The following PAPLN variants were observed in gnomAD, a reference collection of about 807,000 sequenced individuals.
The protein encoded by PAPLN is papilin, proteoglycan like sulfated glycoprotein.
In PAPLN, 146 loss-of-function variants were observed where a neutral mutation model predicts 159.0. That is an observed-to-expected ratio of 0.92 (90% CI 0.80 to 1.05). PAPLN has a LOEUF of 1.05. Among genes scored for constraint, PAPLN ranks in the 50% least tolerant of loss-of-function variants. PAPLN has a pLI of 0.00. For synonymous variants in PAPLN, 734 were observed against 702.9 expected (o/e 1.04, Z -0.70); for missense variants, 1,720 against 1,743.9 (o/e 0.99, Z 0.24).
At chr14:73,258,274 G>T (rs1886152733) in intron 14 of PAPLN, among the ~76,000 whole-genome samples, 1 of 152,094 alleles carries the variant, frequency 6.6e-6, no homozygotes, top group Non-Finnish European at 1.5e-5. Context: ...TTTCCCTGAT[G>T]ACTAATGATG....
At chr14:73,251,056 G>GTTGCCTGCCCCCTTCC (rs1421890549) in intron 7 of PAPLN, 26 bp downstream of exon 7, 2 of 1,598,374 alleles carry the variant, frequency 1.3e-6, no homozygotes, top group African/African-American at 2.7e-5. Flanking sequence ...ACAAGGGGCA[G>GTTGCCTGCCCCCTTCC]TTGCCTGCCC....
At chr14:73,264,865 A>G in intron 22 of PAPLN, 139 bp downstream of exon 22, 1 of 1,368,580 alleles carries the variant, frequency 7.3e-7, no homozygotes. Flanking sequence ...CAGGCCTAGA[A>G]AAACAGGGCT....
Position 73,264,639 on chromosome 14 carries a change from CCAGGGACCCAGCT to C in PAPLN, c.3043_3055del (p.Asp1015ThrfsTer45). 6.2e-7 allele frequency: 1 copy of C among 1,604,944 alleles called. No homozygotes were observed. Among genetic ancestry groups the C allele is most frequent in the South Asian group, 1.1e-5 (1 of 89,794 alleles). On this transcript the variant is annotated frameshift_variant, in exon 22 of 27. Transcript: ENST00000644200. LOFTEE classifies it high-confidence loss of function. ...GCTGAGCTGAGCCGCTTCCCTCAGC[CCAGGGACCCAGCT>C]CAGGACTTTGGCCAAGCGGGGGCTG...
chr14:73,272,804 A>T lies in PAPLN; in HGVS notation c.*140A>T. On this transcript the variant is annotated 3_prime_UTR_variant, in exon 27 of 27. Coordinates refer to ENST00000644200, the MANE Select transcript of PAPLN (RefSeq NM_001365906.3). ...CATTAGCTCTTTCAAAAACCCACCC[A>T]GTGTTTAGCCTCAACGGCAGCCAGT... is the stretch of plus-strand genomic sequence containing the variant. 1 of 930,466 alleles carries T rather than the reference A, an allele frequency of 1.1e-6. No individual in the cohort carries two copies. The highest frequency in any genetic ancestry group is 1.5e-6 in the Non-Finnish European group (1 of 686,736). The allele number at this position is 930,466 out of a possible 1,614,324, so 57.6% of individuals were successfully genotyped here.
chr14:73,252,042 G>C lies in PAPLN; in HGVS notation c.868G>C (p.Gly290Arg). The change falls in exon 10 of 27, where the codon GGT becomes CGT. Residue 290 changes from glycine to arginine, a missense_variant. Transcript: ENST00000644200. Reference protein sequence around the residue: ...IELISQEPNPGVHYEYHLPLR... With the variant: ...IELISQEPNPRVHYEYHLPLR... The stretch of plus-strand genomic sequence containing the variant: ...GCTCATCAGCCAGGAGCCCAACCCC[G>C]GTGTGCACTATGAGTACCACCTGCC... 1.9e-6 allele frequency: 3 copies of C among 1,612,100 alleles called. No individual in the cohort carries two copies. The highest frequency in any genetic ancestry group is 2.5e-6 in the Non-Finnish European group (3 of 1,179,356).
At chr14:73,268,863 C>A in intron 26 of PAPLN, 140 bp downstream of exon 26, 1 of 1,081,476 alleles carries the variant, frequency 9.2e-7, no homozygotes, top group Non-Finnish European at 1.3e-6. Context: ...TGACTTGGGG[C>A]AAGGGGCTTA....
chr14:73,261,553 G>A lies in PAPLN; in HGVS notation c.2245+259G>A, dbSNP rs117280258. On this transcript the variant is annotated intron_variant, in intron 18 of 26. Coordinates refer to ENST00000644200, the MANE Select transcript of PAPLN (RefSeq NM_001365906.3). ...AGGTGGGGATCCCAAGGGCCTGGGA[G>A]GCAGTCTCGTGCTTGGGAGTCAGCC... 4.0e-3 allele frequency among the ~76,000 whole-genome samples: 615 copies of A among 152,350 alleles called. 11 individuals are homozygous for A. The highest frequency in any genetic ancestry group is 0.025 in the East Asian group (132 of 5,186).
Position 73,259,319 on chromosome 14 carries a change from G to C in PAPLN, c.1759G>C (p.Asp587His), listed in dbSNP as rs1447088027. 2.5e-6 allele frequency: 4 copies of C among 1,601,784 alleles called. No individual in the cohort carries two copies. The highest frequency in any genetic ancestry group is 3.4e-6 in the Non-Finnish European group (4 of 1,172,540). The change falls in exon 16 of 27, where the codon GAC becomes CAC. Residue 587 changes from aspartate to histidine, a missense_variant. Physicochemically the swap from Asp to His is moderately conservative, Grantham distance 81. Coordinates refer to ENST00000644200, the MANE Select transcript of PAPLN (RefSeq NM_001365906.3). ...AAQEHPSARGDHRGERGDPRG... is the reference protein window; with the variant it reads ...AAQEHPSARGHHRGERGDPRG... ...CCAGGAACACCCCTCAGCCAGGGGT[G>C]ACCACAGGGGAGAACGAGGTGACCC...
At chr14:73,260,883 A>G in intron 17 of PAPLN, 54 bp downstream of exon 17, 3 of 1,491,918 alleles carry the variant, frequency 2.0e-6, no homozygotes, top group Middle Eastern at 3.6e-4. Context: ...GAGCCTGCTC[A>G]GTGTCACTGT....
intron 5 of PAPLN, among the ~76,000 whole-genome samples, chr14:73,248,293 G>A (rs1884846422): frequency 6.6e-6 from 1 of 151,768 alleles, no homozygotes; most frequent in Admixed American, 6.6e-5. Context: ...TTGTGGCTGT[G>A]GGCGTGACCC....
Position 73,263,789 on chromosome 14 carries a change from G to A in PAPLN, c.2861+7G>A, listed in dbSNP as rs1489358170. 3.8e-6 allele frequency: 6 copies of A among 1,598,922 alleles called. No homozygotes were observed. In the Admixed American group the frequency reaches 6.7e-5, roughly 18 times the overall value. On this transcript the variant is annotated splice_region_variant and intron_variant, in intron 20 of 26. Coordinates refer to ENST00000644200, the MANE Select transcript of PAPLN (RefSeq NM_001365906.3). ...AGCCCATCTCCTCTGACAGGTGGGT[G>A]AGAGTCCCCCCACCTCCTCTGACAG...
chr14:73,272,314 G>C (rs1410563522), intron 26 of PAPLN, 181 bp from the exon 27 acceptor site: 1 of 493,562 alleles, frequency 2.0e-6, no homozygotes, highest in African/African-American at 1.9e-5. Context: ...GAAACAGGTA[G>C]AAATCATCAT....
In PAPLN at chr14:73,251,483, C is replaced by T. The variant is rs1885245671; in HGVS notation, c.590-3C>T. 6.2e-6 allele frequency: 10 copies of T among 1,604,984 alleles called. No individual in the cohort carries two copies. The highest frequency in any genetic ancestry group is 8.5e-6 in the Non-Finnish European group (10 of 1,179,780). ...CACCCAGCACCTGCGTCTCTGCCCC[C>T]AGGCTACAACCAGATCCTCATAGTT... On this transcript the variant is annotated splice_polypyrimidine_tract_variant and splice_region_variant and intron_variant, in intron 7 of 26. Transcript: ENST00000644200.
At chr14:73,251,456 C>T in intron 7 of PAPLN, 30 bp from the exon 8 acceptor site, 2 of 1,593,998 alleles carry the variant, frequency 1.3e-6, no homozygotes, top group Non-Finnish European at 1.7e-6. Context: ...GATAGCCCAG[C>T]ACACCCAGCA....
intron 16 of PAPLN, among the ~76,000 whole-genome samples, chr14:73,260,170 C>T (rs577992328): frequency 1.3e-5 from 2 of 152,300 alleles, no homozygotes; most frequent in East Asian, 3.9e-4. Flanking sequence ...TTGGGTTCCT[C>T]TTCTGAGAAA....
chr14:73,258,320 A>G (rs76893196), intron 14 of PAPLN, among the ~76,000 whole-genome samples: 2,197 of 152,250 alleles, frequency 0.014, 29 homozygotes, highest in Middle Eastern at 0.061. Flanking sequence ...GGCCATTTGC[A>G]TATCATCTTT....
chr14:73,241,833 C>T (rs1326386395), intron 2 of PAPLN, among the ~76,000 whole-genome samples: 2 of 152,264 alleles, frequency 1.3e-5, no homozygotes, highest in African/African-American at 2.4e-5. Flanking sequence ...CTCCCGTCTG[C>T]ACACGGGTGT....
chr14:73,241,449 G>C (rs570412486), intron 2 of PAPLN, among the ~76,000 whole-genome samples: 37 of 152,212 alleles, frequency 2.4e-4, no homozygotes, highest in Non-Finnish European at 5.1e-4. Flanking sequence ...TCTAATTTGG[G>C]AGTAATAATG....
chr14:73,250,100 G>A lies in PAPLN; in HGVS notation c.451G>A (p.Asp151Asn). Residue 151 changes from aspartate to asparagine, a missense_variant, in exon 6 of 27, where the codon GAT becomes AAT. Coordinates refer to ENST00000644200, the MANE Select transcript of PAPLN (RefSeq NM_001365906.3). ...GCCTGGCAAGAGGGATGTCTGTGTG[G>A]ATGGCAGCTGCCGGGTGAGTGGTGC... ...CEPGKRDVCV[D>N]GSCRVVGCDH... 1 of 1,609,944 alleles carries A rather than the reference G, an allele frequency of 6.2e-7. No individual in the cohort carries two copies. Among genetic ancestry groups the A allele is most frequent in the Non-Finnish European group, 8.5e-7 (1 of 1,178,262 alleles).
Sources: allele counts gnomAD v4.1 joint callset (sites outside exome capture counted in the v4.1 genomes callset), GRCh38; gene constraint gnomAD v4.1.1; transcripts MANE v1.5; gene names NCBI Gene and HGNC (gene_info 2026-07-23, HGNC 2026-07-21).